ZNF506: variants seen among roughly 807,000 people sequenced by gnomAD.
ZNF506 encodes zinc finger protein 506.
A neutral mutation model predicts 11.6 loss-of-function variants in ZNF506; 10 were observed. That is an observed-to-expected ratio of 0.86 (90% CI 0.53 to 1.46). ZNF506 has a LOEUF of 1.46. Among genes scored for constraint, ZNF506 ranks in the 40% most tolerant of loss-of-function variants. The pLI, the probability that ZNF506 is intolerant of heterozygous loss-of-function variation, is 0.00. For synonymous variants in ZNF506, 156 were observed against 173.3 expected, an observed-to-expected ratio of 0.90 and a Z score of 0.78; for missense variants, 425 against 521.2, an observed-to-expected ratio of 0.82 and a Z score of 1.80.
intron 2 of ZNF506, chr19:19,806,330 C>T: frequency 4.0e-6 from 1 of 248,212 alleles, no homozygotes; most frequent in Non-Finnish European, 7.6e-6. Flanking sequence ...GATCTTGGCT[C>T]ACCACAAGCT....
rs184353984 is a variant in ZNF506, at chr19:19,816,195, T to C, written c.3+5406A>G. Among the ~76,000 whole-genome samples the C allele has an allele frequency of 4.8e-3, 731 of 151,992 alleles. 4 individuals are homozygous for C. Among genetic ancestry groups the C allele is most frequent in the Middle Eastern group, 0.01 (3 of 294 alleles). On this transcript the variant is annotated intron_variant, in intron 1 of 3. Transcript: ENST00000540806. ...TATTTCTTTTCTTTTCTTTTCTTTT[T>C]TTTTTTGAGCCAGAGTCTCACTCTG...
At chr19:19,797,706 A>T (rs2062754948) in intron 3 of ZNF506, 1 of 152,112 alleles carries the variant, frequency 6.6e-6, no homozygotes, top group South Asian at 2.1e-4. Flanking sequence ...ATATAAACAA[A>T]ATTCCAAAAA....
At position 19,794,699 on chromosome 19, in the gene ZNF506, C is replaced by T. The variant is rs776025114; in HGVS notation, c.1188G>A (p.Pro396=). ...EHKIIHTGEK[P]YKCEECGKAF... The stretch of plus-strand genomic sequence containing the variant: ...CTTTGCCACATTCTTCACATTTGTA[C>T]GGTTTCTCTCCAGTATGAATTATCT... Residue 396 remains proline (P), a synonymous_variant, in exon 4 of 4, where the codon CCG becomes CCA. Coordinates refer to ENST00000540806, the MANE Select transcript of ZNF506 (RefSeq NM_001099269.3). 1.7e-5 allele frequency: 28 copies of T among 1,612,358 alleles called. No homozygotes were observed. The highest frequency in any genetic ancestry group is 5.0e-5 in the Admixed American group (3 of 59,890).
intron 2 of ZNF506, 183 bp from the exon 3 acceptor site, chr19:19,806,309 T>G (rs2062835507): frequency 3.5e-6 from 1 of 287,468 alleles, no homozygotes. Flanking sequence ...CAGGCTGGAG[T>G]GCAATGGCTC....
At position 19,795,529 on chromosome 19, in the gene ZNF506, C is replaced by A. The variant is rs571259342; in HGVS notation, c.358G>T (p.Val120Leu). ...NLQLKKGCES[V>L]DECPVHKRGY... ...CTTTTGTGCACTGGACACTCATCTA[C>A]ACTTTCACAGCCTTTTTTTAACTGT... The change falls in exon 4 of 4, where the codon GTA becomes TTA. Residue 120 changes from valine to leucine, a missense_variant. Transcript: ENST00000540806. 6.2e-7 allele frequency: 1 copy of A among 1,600,006 alleles called. No homozygotes were observed. Among genetic ancestry groups the A allele is most frequent in the Admixed American group, 1.8e-5 (1 of 56,334 alleles).
chr19:19,821,530 CCA>C (rs2062967059), intron 1 of ZNF506, 69 bp downstream of exon 1: 1 of 1,608,000 alleles, frequency 6.2e-7, no homozygotes. Context: ...ACTGCCACAG[CCA>C]CAGCCACTTC....
Position 19,806,072 on chromosome 19 carries a change from G to A in ZNF506, c.185C>T (p.Pro62Leu). The A allele has an allele frequency of 1.2e-6, 2 of 1,608,588 alleles. No individual in the cohort carries two copies. The highest frequency in any genetic ancestry group is 1.7e-6 in the Non-Finnish European group (2 of 1,178,402). ...LITCLEQGKK[P>L]LTMKRHEMIA... is the part of the protein sequence containing the mutation. ...CATCTCATGCCTCTTCATAGTTAAA[G>A]GTTTTTTTCCTTGCTCCAGACAGGT... Residue 62 changes from proline (P) to leucine (L), a missense_variant, in exon 3 of 4, where the codon CCT (proline) becomes CTT (leucine). This residue lies in a region of ZNF506 where 226 missense variants were observed against 279.1 expected (regional missense o/e 0.81). Transcript: ENST00000540806.
At position 19,821,750 on chromosome 19, in the gene ZNF506, T is replaced by A; in HGVS notation, c.-147A>T. The A allele has an allele frequency of 2.9e-6, 3 of 1,052,398 alleles. No individual in the cohort carries two copies. Among genetic ancestry groups the A allele is most frequent in the Non-Finnish European group, 4.3e-6 (3 of 694,054 alleles). The allele number at this position is 1,052,398 out of a possible 1,614,324, so 65.2% of individuals were successfully genotyped here. ...GATCTCTGGCGTCAGCGAGAGACAATGGGCCCGCCAAAGCCGGAAGCCGGA... is the reference window on the plus strand; with the variant it reads ...GATCTCTGGCGTCAGCGAGAGACAAAGGGCCCGCCAAAGCCGGAAGCCGGA... On this transcript the variant is annotated 5_prime_UTR_variant, in exon 1 of 4. Transcript: ENST00000540806.
intron 1 of ZNF506, among the ~76,000 whole-genome samples, chr19:19,817,679 C>T (rs567352223): frequency 2.6e-5 from 4 of 152,244 alleles, no homozygotes; most frequent in African/African-American, 9.6e-5. Context: ...AACTTCCTCT[C>T]GCATGCTTAA....
intron 1 of ZNF506, among the ~76,000 whole-genome samples, chr19:19,810,571 A>G (rs1483925441): frequency 6.6e-6 from 1 of 152,084 alleles, no homozygotes; most frequent in African/African-American, 2.4e-5. Context: ...TAAAAATTGT[A>G]TAGAATAAAA....
At chr19:19,803,610 C>A (rs1460298529) in intron 3 of ZNF506, among the ~76,000 whole-genome samples, 2 of 152,188 alleles carry the variant, frequency 1.3e-5, no homozygotes, top group East Asian at 3.8e-4. Context: ...TAAAGGTGAA[C>A]CCTAGTGCAG....
chr19:19,815,689 C>A (rs781133467), intron 1 of ZNF506, among the ~76,000 whole-genome samples: 1 of 152,192 alleles, frequency 6.6e-6, no homozygotes, highest in African/African-American at 2.4e-5. Context: ...TCATCGTAGA[C>A]CCTGATTCAG....
At chr19:19,821,503 G>C in intron 1 of ZNF506, 98 bp downstream of exon 1, 1 of 1,498,408 alleles carries the variant, frequency 6.7e-7, no homozygotes, top group Non-Finnish European at 9.3e-7. Flanking sequence ...TGACTGCCGG[G>C]AGGCCTGAGT....
chr19:19,819,436 G>A (rs1328532432), intron 1 of ZNF506, among the ~76,000 whole-genome samples: 1 of 151,780 alleles, frequency 6.6e-6, no homozygotes, highest in Admixed American at 6.6e-5. Context: ...GCTGCCACCT[G>A]CTCCCTTAAG....
Position 19,795,079 on chromosome 19 carries a change from C to T in ZNF506, c.808G>A (p.Ala270Thr), listed in dbSNP as rs2062728132. The T allele has an allele frequency of 1.2e-6, 2 of 1,611,256 alleles. No individual in the cohort carries two copies. Among genetic ancestry groups the T allele is most frequent in the South Asian group, 2.2e-5 (2 of 90,904 alleles). ...RECGKAFNHP[A>T]TLFSHKKIHT... ...ATTTTCTTATGTGAAAAAAGGGTTG[C>T]AGGGTGGTTAAAAGCTTTGCCACAT... Residue 270 changes from alanine (A) to threonine (T), a missense_variant, in exon 4 of 4, where the codon GCA (alanine) becomes ACA (threonine). Around this residue, in one of 3 missense-constraint regions of ZNF506, gnomAD observed 192 missense variants for 215.7 expected, o/e 0.89. Transcript: ENST00000540806.
intron 2 of ZNF506, 26 bp from the exon 3 acceptor site, chr19:19,806,152 G>C: frequency 1.9e-6 from 3 of 1,538,560 alleles, no homozygotes; most frequent in Non-Finnish European, 2.7e-6. Context: ...TAAATAATAT[G>C]AATCTTGCTC....
In ZNF506 at chr19:19,794,143, C is replaced by CTACTA. The variant is rs1440419818; in HGVS notation, c.*404_*408dup. The stretch of plus-strand genomic sequence containing the variant: ...TGGCAAACATGATGAAACCCCATCT[C>CTACTA]TACTAAAAATACAAAAATTAGCTGG... On this transcript the variant is annotated 3_prime_UTR_variant, in exon 4 of 4. Transcript: ENST00000540806. 2 of 165,704 alleles carry CTACTA rather than the reference C, an allele frequency of 1.2e-5. No individual in the cohort carries two copies. The highest frequency in any genetic ancestry group is 4.8e-5 in the African/African-American group (2 of 41,496). 10.3% of individuals were successfully genotyped at this position (165,704 alleles called of 1,614,324 possible). A position where few individuals can be genotyped will look rare whatever the true frequency, so the allele number is the denominator to read the frequency against.
chr19:19,801,197 C>CA (rs989636970), intron 3 of ZNF506, among the ~76,000 whole-genome samples: 15 of 151,524 alleles, frequency 9.9e-5, no homozygotes, highest in African/African-American at 2.9e-4. Flanking sequence ...CAAAACAAAA[C>CA]AAAAAAAACC....
chr19:19,795,049 T>C lies in ZNF506; in HGVS notation c.838A>G (p.Thr280Ala), dbSNP rs1425553949. 2 of 1,613,894 alleles carry C rather than the reference T, an allele frequency of 1.2e-6. No individual in the cohort carries two copies. Among genetic ancestry groups the C allele is most frequent in the Non-Finnish European group, 8.5e-7 (1 of 1,179,930 alleles). Residue 280 changes from threonine (T) to alanine (A), a missense_variant, in exon 4 of 4, where the codon ACT becomes GCT. Coordinates refer to ENST00000540806, the MANE Select transcript of ZNF506 (RefSeq NM_001099269.3). ...TCACACTTGTATGGTTTCTCTCCAG[T>C]ATGAATTTTCTTATGTGAAAAAAGG... is the stretch of plus-strand genomic sequence containing the variant. ...ATLFSHKKIHTGEKPYKCDKC... is the reference protein window; with the variant it reads ...ATLFSHKKIHAGEKPYKCDKC...
Sources: allele counts gnomAD v4.1 joint callset (sites outside exome capture counted in the v4.1 genomes callset), GRCh38; gene constraint gnomAD v4.1.1; regional missense constraint gnomAD v4.1.1; transcripts MANE v1.5; gene names NCBI Gene and HGNC (gene_info 2026-07-23, HGNC 2026-07-21).